The following KATNIP variants were observed in gnomAD, a reference collection of about 807,000 sequenced individuals.
KATNIP encodes katanin interacting protein.
In KATNIP, 126 loss-of-function variants were observed where a neutral mutation model predicts 174.0. The observed-to-expected ratio is 0.72, with a 90% CI of 0.63 to 0.84. The LOEUF (loss-of-function observed/expected upper bound fraction) is 0.84. Among genes scored for constraint, KATNIP ranks in the 40% least tolerant of loss-of-function variants. KATNIP has a pLI of 0.00. For missense variants in KATNIP, 1,958 were observed against 2,109.7 expected (o/e 0.93, Z 1.41); for synonymous variants, 810 against 835.7 (o/e 0.97, Z 0.53).
At chr16:27,577,362 G>GC (rs915677792) in intron 2 of KATNIP, among the ~76,000 whole-genome samples, 28 of 151,766 alleles carry the variant, frequency 1.8e-4, no homozygotes, top group South Asian at 4.2e-4. Context: ...GGCAACATAA[G>GC]CAAGACCCTT....
intron 14 of KATNIP, among the ~76,000 whole-genome samples, chr16:27,723,183 G>A (rs895378972): frequency 1.3e-5 from 2 of 152,126 alleles, no homozygotes; most frequent in African/African-American, 4.8e-5. Context: ...CCACCAGGGC[G>A]ATCCAATCAC....
intron 2 of KATNIP, among the ~76,000 whole-genome samples, chr16:27,595,106 C>A (rs1176268919): frequency 6.6e-6 from 1 of 152,078 alleles, no homozygotes; most frequent in East Asian, 1.9e-4. Flanking sequence ...AGATGTGGGC[C>A]GGGCATGGTG....
chr16:27,690,256 C>T (rs2078667713), intron 8 of KATNIP, among the ~76,000 whole-genome samples: 1 of 151,880 alleles, frequency 6.6e-6, no homozygotes, highest in South Asian at 2.1e-4. Context: ...GTCAAGGCTG[C>T]AGTGAGCCAT....
intron 3 of KATNIP, among the ~76,000 whole-genome samples, chr16:27,620,109 T>G (rs934466364): frequency 2.0e-5 from 3 of 152,132 alleles, no homozygotes; most frequent in Non-Finnish European, 4.4e-5. Context: ...CACTGGCCAA[T>G]AGTATAAATG....
At chr16:27,616,663 G>A (rs981856758) in intron 2 of KATNIP, among the ~76,000 whole-genome samples, 70 of 151,586 alleles carry the variant, frequency 4.6e-4, no homozygotes, top group Non-Finnish European at 8.1e-4. Flanking sequence ...GGAGATGGAG[G>A]TTTCAGTGAG....
At chr16:27,563,712 A>G (rs921614056) in intron 1 of KATNIP, among the ~76,000 whole-genome samples, 1 of 151,770 alleles carries the variant, frequency 6.6e-6, no homozygotes, top group Non-Finnish European at 1.5e-5. Context: ...TGCCATAGGA[A>G]AATCCAGGCA....
chr16:27,754,072 A>G, intron 17 of KATNIP, 101 bp from the exon 18 acceptor site: 2 of 923,852 alleles, frequency 2.2e-6, no homozygotes, highest in Non-Finnish European at 3.5e-6. Context: ...TTACCTGGGC[A>G]TAGGGTGGGC....
intron 2 of KATNIP, among the ~76,000 whole-genome samples, chr16:27,591,154 A>G (rs1322038742): frequency 6.6e-6 from 1 of 151,994 alleles, no homozygotes; most frequent in East Asian, 1.9e-4. Context: ...TGAACTGATC[A>G]GTATAGAATA....
At chr16:27,678,065 TC>T in intron 7 of KATNIP, 69 bp downstream of exon 7, 1 of 1,544,112 alleles carries the variant, frequency 6.5e-7, no homozygotes, top group South Asian at 1.2e-5. Context: ...GACTTAAACT[TC>T]CAGTGGTCCT....
At chr16:27,617,423 G>C (rs1054559988) in intron 2 of KATNIP, among the ~76,000 whole-genome samples, 1 of 152,192 alleles carries the variant, frequency 6.6e-6, no homozygotes, top group South Asian at 2.1e-4. Context: ...GGGCTGACTC[G>C]GGTCATGGTT....
In KATNIP at chr16:27,608,962, G is replaced by T. The variant is rs574403021; in HGVS notation, c.64-9463G>T. Among the ~76,000 whole-genome samples, 43 of 152,270 alleles carry T rather than the reference G, an allele frequency of 2.8e-4. 1 individual carries two copies. The highest frequency in any genetic ancestry group is 7.2e-4 in the Admixed American group (11 of 15,298). The stretch of plus-strand genomic sequence containing the variant: ...CAAGCCAATGCTTCAGGTGACTGGG[G>T]TCCAGCTTTTCAGGCATCCTCTGGC... On this transcript the variant is annotated intron_variant, in intron 2 of 27. Coordinates refer to ENST00000261588, the MANE Select transcript of KATNIP (RefSeq NM_015202.5).
At chr16:27,657,334 C>T (rs1170490777) in intron 6 of KATNIP, among the ~76,000 whole-genome samples, 4 of 152,034 alleles carry the variant, frequency 2.6e-5, no homozygotes, top group Non-Finnish European at 4.4e-5. Flanking sequence ...TAGCATGATA[C>T]GTTTTCTGTA....
At chr16:27,596,843 T>C (rs1448638058) in intron 2 of KATNIP, among the ~76,000 whole-genome samples, 1 of 152,000 alleles carries the variant, frequency 6.6e-6, no homozygotes, top group East Asian at 1.9e-4. Context: ...GGCAACATGG[T>C]GAAAACCTGT....
intron 8 of KATNIP, among the ~76,000 whole-genome samples, chr16:27,692,807 T>A (rs893850916): frequency 1.3e-5 from 2 of 152,200 alleles, no homozygotes; most frequent in Non-Finnish European, 2.9e-5. Context: ...AGTGTGCCCG[T>A]TCCTCCGACC....
intron 2 of KATNIP, among the ~76,000 whole-genome samples, chr16:27,577,511 G>A (rs2090541530): frequency 6.6e-6 from 1 of 152,260 alleles, no homozygotes; most frequent in Non-Finnish European, 1.5e-5. Flanking sequence ...GGCCAACATG[G>A]TGAAACCCTA....
intron 16 of KATNIP, among the ~76,000 whole-genome samples, chr16:27,750,942 G>T (rs930439994): frequency 6.6e-6 from 1 of 151,588 alleles, no homozygotes; most frequent in South Asian, 2.1e-4. Flanking sequence ...TACCCAGGCT[G>T]GTCTCGAACT....
chr16:27,626,522 G>A (rs1342057020), intron 3 of KATNIP, among the ~76,000 whole-genome samples: 2 of 152,138 alleles, frequency 1.3e-5, no homozygotes, highest in Non-Finnish European at 2.9e-5. Flanking sequence ...AGTTGTCTTC[G>A]TTTTGGTGTA....
At chr16:27,747,034 C>T (rs376046621) in intron 15 of KATNIP, among the ~76,000 whole-genome samples, 3 of 152,202 alleles carry the variant, frequency 2.0e-5, no homozygotes, top group Non-Finnish European at 4.4e-5. Context: ...GACGGCAGAA[C>T]TTGACCTGTA....
At chr16:27,749,114 T>C (rs2081396279) in intron 15 of KATNIP, among the ~76,000 whole-genome samples, 1 of 152,204 alleles carries the variant, frequency 6.6e-6, no homozygotes, top group Admixed American at 6.5e-5. Flanking sequence ...TTGCCCCTGG[T>C]CATGTGAGTT....
Sources: allele counts gnomAD v4.1 joint callset (sites outside exome capture counted in the v4.1 genomes callset), GRCh38; gene constraint gnomAD v4.1.1; transcripts MANE v1.5; gene names NCBI Gene and HGNC (gene_info 2026-07-23, HGNC 2026-07-21).